The following MAPT variants were observed in gnomAD, a reference collection of about 807,000 sequenced individuals.
MAPT encodes microtubule-associated protein tau.
In MAPT, 34 loss-of-function variants were observed where a neutral mutation model predicts 67.9. That is an observed-to-expected ratio of 0.50 (90% confidence interval 0.38 to 0.67). MAPT has a LOEUF of 0.67. MAPT is among the 30% of genes least tolerant of loss of function. The pLI, the probability that MAPT is intolerant of heterozygous loss-of-function variation, is 0.00. For missense variants in MAPT, 881 were observed against 1,115.2 expected, an observed-to-expected ratio of 0.79 and a Z score of 2.99; for synonymous variants, 456 against 464.5, an observed-to-expected ratio of 0.98 and a Z score of 0.23.
At chr17:45,989,500 A>C (rs573770765) in intron 6 of MAPT, among the ~76,000 whole-genome samples, 13 of 152,162 alleles carry the variant, frequency 8.5e-5, no homozygotes, top group Admixed American at 7.2e-4. Context: ...AATACAAAAA[A>C]ACGAGCCGGG....
In MAPT at chr17:45,987,108, T is replaced by C; in HGVS notation, c.1407+13T>C. The C allele has an allele frequency of 5.0e-6, 8 of 1,613,828 alleles. No individual in the cohort carries two copies. Among genetic ancestry groups the C allele is most frequent in the Non-Finnish European group, 6.8e-6 (8 of 1,179,728 alleles). On this transcript the variant is annotated intron_variant, in intron 6 of 12. Coordinates refer to ENST00000262410, the MANE Select transcript of MAPT (RefSeq NM_001377265.1). ...CAAAAAAGCCAAGGTAAGCTGACGA[T>C]GCCACGGAGCTCTGCAGCTGGTCAA...
intron 1 of MAPT, among the ~76,000 whole-genome samples, chr17:45,903,797 TATTTATATAATATAATATATAAATATA>T (rs1442628987): frequency 7.6e-4 from 48 of 63,448 alleles, no homozygotes; most frequent in Non-Finnish European, 1.3e-3. Flanking sequence ...ATAATATATA[TATTTATATAATATAATATATAAATATA>T]TTATATATTA....
chr17:45,950,249 A>G (rs1465257883), intron 1 of MAPT, among the ~76,000 whole-genome samples: 1 of 152,220 alleles, frequency 6.6e-6, no homozygotes, highest in African/African-American at 2.4e-5. Context: ...AACAGCACGC[A>G]GCATTCCCCA....
chr17:45,956,829 G>C (rs1444585293), intron 1 of MAPT, among the ~76,000 whole-genome samples: 1 of 147,980 alleles, frequency 6.8e-6, no homozygotes, highest in African/African-American at 2.5e-5. Context: ...TCCCACCTAC[G>C]AGTGAGAACA....
chr17:46,000,594 G>A (rs191175831), intron 9 of MAPT, among the ~76,000 whole-genome samples: 3 of 152,270 alleles, frequency 2.0e-5, no homozygotes, highest in East Asian at 3.9e-4. Context: ...TCCAGTGCCC[G>A]AGCCTCCTGG....
intron 9 of MAPT, among the ~76,000 whole-genome samples, chr17:46,009,361 A>AAAGAAGGGACACCCCACATTT (rs1343039739): frequency 6.8e-6 from 1 of 147,580 alleles, no homozygotes; most frequent in Non-Finnish European, 1.5e-5. Flanking sequence ...TCTATTTCAT[A>AAAGAAGGGACACCCCACATTT]GTTCTTAGGC....
Position 45,915,564 on chromosome 17 carries a change from G to A in MAPT, c.-18+20878G>A, listed in dbSNP as rs1264287679. Among the ~76,000 whole-genome samples the A allele has an allele frequency of 7.3e-6, 1 of 136,442 alleles. No individual in the cohort carries two copies. The highest frequency in any genetic ancestry group is 2.5e-5 in the African/African-American group (1 of 40,004). 89.5% of individuals were successfully genotyped at this position (136,442 alleles called of 152,430 possible). ...TGAGCATGTGTGTTGTGTGTGTGGTGCATGTGTGTGGCGTGTGAGCGTGTG... is the reference window on the plus strand; with the variant it reads ...TGAGCATGTGTGTTGTGTGTGTGGTACATGTGTGTGGCGTGTGAGCGTGTG... On this transcript the variant is annotated intron_variant, in intron 1 of 12. Transcript: ENST00000262410. The surrounding 1 kb of genome is among the most constrained non-coding windows in gnomAD (Gnocchi z 4.4).
At chr17:45,936,267 C>T (rs1280462277) in intron 1 of MAPT, among the ~76,000 whole-genome samples, 2 of 152,228 alleles carry the variant, frequency 1.3e-5, no homozygotes, top group African/African-American at 2.4e-5. Context: ...AATCTGCCCA[C>T]TGGCCTGGTC....
At chr17:45,899,515 C>A (rs1027839975) in intron 1 of MAPT, among the ~76,000 whole-genome samples, 4 of 152,164 alleles carry the variant, frequency 2.6e-5, no homozygotes, top group African/African-American at 7.2e-5. Context: ...TAGTAACTTG[C>A]TAAAGGTCAC....
At chr17:45,942,854 A>C (rs2068120197) in intron 1 of MAPT, among the ~76,000 whole-genome samples, 1 of 152,214 alleles carries the variant, frequency 6.6e-6, no homozygotes, top group East Asian at 1.9e-4. Context: ...AATGCAAAGG[A>C]GGCTCTGGGA....
chr17:45,956,814 T>C (rs2069779250), intron 1 of MAPT, among the ~76,000 whole-genome samples: 2 of 151,434 alleles, frequency 1.3e-5, no homozygotes, highest in East Asian at 1.9e-4. Context: ...TTCTCATTGT[T>C]CAATTCCCAC....
rs554691564 is a variant in MAPT, at chr17:46,003,318, A to G, written c.1998+6654A>G. The stretch of plus-strand genomic sequence containing the variant: ...TTTTGAGACAGAGTCTCACTCTGTC[A>G]CCCAGGCTGGAGTGCAGTGGTGCAA... On this transcript the variant is annotated intron_variant, in intron 9 of 12. Transcript: ENST00000262410. Among the ~76,000 whole-genome samples, 18 of 151,248 alleles carry G rather than the reference A, an allele frequency of 1.2e-4. No homozygotes were observed. In the East Asian group the frequency reaches 3.0e-3, roughly 25 times the overall value.
chr17:46,023,610 C>T (rs200502796), intron 12 of MAPT, among the ~76,000 whole-genome samples: 6 of 152,160 alleles, frequency 3.9e-5, no homozygotes, highest in African/African-American at 7.2e-5. Flanking sequence ...GAGGCTGAGG[C>T]GGGCAGATTG....
At chr17:45,992,294 G>T (rs1277310302) in intron 8 of MAPT, among the ~76,000 whole-genome samples, 1 of 152,216 alleles carries the variant, frequency 6.6e-6, no homozygotes, top group Non-Finnish European at 1.5e-5. Context: ...CAAGTCCAGG[G>T]TTCCATAGAG....
At chr17:45,989,039 A>G (rs1284394971) in intron 6 of MAPT, among the ~76,000 whole-genome samples, 2 of 150,856 alleles carry the variant, frequency 1.3e-5, no homozygotes, top group African/African-American at 4.9e-5. Flanking sequence ...AATCTTTCCA[A>G]CTTGGGGGGG....
intron 1 of MAPT, among the ~76,000 whole-genome samples, chr17:45,920,651 A>G (rs2065620312): frequency 6.6e-6 from 1 of 152,088 alleles, no homozygotes; most frequent in Non-Finnish European, 1.5e-5. Flanking sequence ...GCACTCTGAC[A>G]AGGTCTGGGG....
chr17:46,017,673 G>T (rs2076274949), intron 11 of MAPT, among the ~76,000 whole-genome samples: 1 of 147,804 alleles, frequency 6.8e-6, no homozygotes, highest in Non-Finnish European at 1.5e-5. Context: ...TGGTCAGACT[G>T]GTCTCAAACT....
chr17:45,941,694 CCTTCCTGCCTGCCT>C (rs2067955872), intron 1 of MAPT, among the ~76,000 whole-genome samples: 2 of 88,232 alleles, frequency 2.3e-5, no homozygotes, highest in African/African-American at 6.3e-5. Flanking sequence ...TTCCTTCCTT[CCTTCCTGCCTGCCT>C]TCCTTCCTTC....
intron 1 of MAPT, among the ~76,000 whole-genome samples, chr17:45,932,639 G>A (rs1333418890): frequency 1.4e-5 from 2 of 148,028 alleles, no homozygotes; most frequent in African/African-American, 5.0e-5. Context: ...AAATAAATAC[G>A]TGTGGCTGAC....
Sources: allele counts gnomAD v4.1 joint callset (sites outside exome capture counted in the v4.1 genomes callset), GRCh38; gene constraint gnomAD v4.1.1; non-coding constraint Gnocchi (gnomAD v3.1); transcripts MANE v1.5; gene names NCBI Gene and HGNC (gene_info 2026-07-23, HGNC 2026-07-21).